The following NOS3 variants were observed in gnomAD, a reference collection of about 807,000 sequenced individuals.
The protein encoded by NOS3 is nitric oxide synthase 3.
Under a neutral mutation model 144.9 loss-of-function variants are expected in NOS3, and 98 were observed. That is an observed-to-expected ratio of 0.68 (90% CI 0.57 to 0.80). The LOEUF (loss-of-function observed/expected upper bound fraction) is 0.80. Ranked by LOEUF, NOS3 falls within the 30% of genes least tolerant of loss-of-function variation. The probability of loss-of-function intolerance (pLI) is 0.00; values close to 1 mark genes in which losing one functional copy is unlikely to be tolerated. For missense variants in NOS3, 1,465 were observed against 1,656.4 expected (o/e 0.88, Z 2.01); for synonymous variants, 714 against 702.4 (o/e 1.02, Z -0.26).
Position 150,998,346 on chromosome 7 carries a change from G to C in NOS3, c.583-11G>C, listed in dbSNP as rs1223089322. 2 of 1,609,680 alleles carry C rather than the reference G, an allele frequency of 1.2e-6. No individual in the cohort carries two copies. The highest frequency in any genetic ancestry group is 1.7e-6 in the Non-Finnish European group (2 of 1,178,906). On this transcript the variant is annotated splice_polypyrimidine_tract_variant and intron_variant, in intron 5 of 26. Coordinates refer to ENST00000297494, the MANE Select transcript of NOS3 (RefSeq NM_000603.5). This position sits in a 1 kb window ranked among gnomAD's most constrained non-coding sequence, Gnocchi z 5.0. ...CCTCACCCTCCTCTCCCGCTGCCTC[G>C]GCTGGCTCAGGTGTTCGATGCCCGG... is the stretch of plus-strand genomic sequence containing the variant.
chr7:151,008,972 G>A lies in NOS3; in HGVS notation c.2155G>A (p.Ala719Thr), dbSNP rs369675314. Reference sequence around the variant, plus strand: ...CTGTGTGGGAGAGGATGCCAAGGCCGCCGCCCGAGACATCTTCAGCCCCAA... The same window carrying A: ...CTGTGTGGGAGAGGATGCCAAGGCCACCGCCCGAGACATCTTCAGCCCCAA... ...TFCVGEDAKAAARDIFSPKRS... is the reference protein window; with the variant it reads ...TFCVGEDAKATARDIFSPKRS... The change falls in exon 18 of 27, where the codon GCC (alanine) becomes ACC (threonine). Residue 719 changes from alanine to threonine, a missense_variant. Physicochemically the swap from Ala to Thr is moderately conservative, Grantham distance 58 (BLOSUM62 0). This residue lies in a region of NOS3 where 745 missense variants were observed against 853.9 expected (regional missense o/e 0.87). Coordinates refer to ENST00000297494, the MANE Select transcript of NOS3 (RefSeq NM_000603.5). 5.6e-6 allele frequency: 9 copies of A among 1,610,698 alleles called. No homozygotes were observed. The African/African-American group carries it at 6.7e-5, about 12-fold the overall frequency.
In NOS3 at chr7:151,010,957, C is replaced by A. The variant is rs758081272; in HGVS notation, c.2955C>A (p.Pro985=). 1.1e-5 allele frequency: 18 copies of A among 1,613,844 alleles called. No homozygotes were observed. Among genetic ancestry groups the A allele is most frequent in the East Asian group, 2.2e-5 (1 of 44,868 alleles). ...VCSTWLSQLK[P]GDPVPCFIRG... ...CCACGTGGCTAAGCCAGCTCAAGCC[C>A]GGAGACCCTGTGCCCTGCTTCATCC... Residue 985 remains proline, a synonymous_variant, in exon 23 of 27, where the codon CCC becomes CCA. Coordinates refer to ENST00000297494, the MANE Select transcript of NOS3 (RefSeq NM_000603.5).
Position 150,991,307 on chromosome 7 carries a change from GCTCT to G in NOS3, c.-52+10_-52+13del, listed in dbSNP as rs1802250359. 6.6e-6 allele frequency: 1 copy of G among 152,268 alleles called. No individual in the cohort carries two copies. Among genetic ancestry groups the G allele is most frequent in the African/African-American group, 2.4e-5 (1 of 41,452 alleles). 9.4% of individuals were successfully genotyped at this position (152,268 alleles called of 1,614,324 possible). On this transcript the variant is annotated splice_region_variant and intron_variant, in intron 1 of 26. Transcript: ENST00000297494. ...CCAGCACCTTCTGCAGCAGGTACCT[GCTCT>G]CTAAGAGGGAGGCCTGGGTGGTGCA... is the stretch of plus-strand genomic sequence containing the variant.
At chr7:150,992,429 G>A (rs1357413061) in intron 1 of NOS3, among the ~76,000 whole-genome samples, 2 of 152,174 alleles carry the variant, frequency 1.3e-5, no homozygotes, top group African/African-American at 4.8e-5. Context: ...TGGGGTCATG[G>A]GACAAAGCCC....
At chr7:150,999,124 G>A (rs745854918) in intron 8 of NOS3, 39 bp downstream of exon 8, 1 of 1,612,278 alleles carries the variant, frequency 6.2e-7, no homozygotes, top group Admixed American at 1.7e-5. Flanking sequence ...GATGGAGGGG[G>A]CCATCCCTGA....
chr7:151,009,659 G>A (rs1795264506), intron 20 of NOS3, 74 bp downstream of exon 20: 1 of 1,348,266 alleles, frequency 7.4e-7, no homozygotes, highest in Non-Finnish European at 9.9e-7. Flanking sequence ...CAGGCCTCCA[G>A]GAGCTCAGGA....
In NOS3 at chr7:151,002,292, G is replaced by A. The variant is rs761397169; in HGVS notation, c.1740G>A (p.Pro580=). The part of the protein sequence containing the change: ...VTSTFGNGDP[P]ENGESFAAAL... The stretch of plus-strand genomic sequence containing the variant: ...GCACATTTGGGAATGGGGATCCCCC[G>A]GAGAATGGAGAGGTGAGAACTTCCA... The change falls in exon 14 of 27, where the codon CCG becomes CCA. Residue 580 remains proline (P), a synonymous_variant. Transcript: ENST00000297494. This position sits in a 1 kb window ranked among gnomAD's most constrained non-coding sequence, Gnocchi z 4.1. 13 of 1,583,336 alleles carry A rather than the reference G, an allele frequency of 8.2e-6. No homozygotes were observed. Among genetic ancestry groups the A allele is most frequent in the African/African-American group, 4.0e-5 (3 of 74,432 alleles).
At chr7:150,997,027 G>A (rs2117105982) in intron 5 of NOS3, 102 bp downstream of exon 5, 1 of 1,334,072 alleles carries the variant, frequency 7.5e-7, no homozygotes, top group Non-Finnish European at 1.0e-6. Flanking sequence ...GTCCCAAACT[G>A]TGGGGGAGAT....
intron 23 of NOS3, chr7:151,011,901 A>T (rs1276646961): frequency 1.5e-5 from 6 of 398,940 alleles, no homozygotes; most frequent in Non-Finnish European, 3.0e-5. Context: ...CCAGGAACCA[A>T]AAGTCCTGGT....
Position 151,009,414 on chromosome 7 carries a change from G to A in NOS3, c.2341G>A (p.Val781Met). 6.5e-7 allele frequency: 1 copy of A among 1,539,842 alleles called. No individual in the cohort carries two copies. The highest frequency in any genetic ancestry group is 8.8e-7 in the Non-Finnish European group (1 of 1,141,564). The change falls in exon 20 of 27, where the codon GTG becomes ATG. Residue 781 changes from valine (V) to methionine (M), a missense_variant. Physicochemically the swap from Val to Met is conservative, Grantham distance 21. This residue lies in a region of NOS3 where 745 missense variants were observed against 853.9 expected (regional missense o/e 0.87). Transcript: ENST00000297494. ...SSKSTRATIL[V>M]RLDTGGQEGL... ...CACCCCCAGGAGGGCCACCATCCTG[G>A]TGCGCCTGGACACCGGAGGCCAGGA...
Position 151,013,903 on chromosome 7 carries a change from C to T in NOS3, c.3435C>T (p.Val1145=). ...TGGAGCTGGACGAGGCCGGCGACGT[C>T]ATCGGCGTGCTGCGGGTGCGGAGGG... ...GDMELDEAGD[V]IGVLRDQQRY... The change falls in exon 26 of 27, where the codon GTC becomes GTT. Residue 1145 remains valine (V), a synonymous_variant. Transcript: ENST00000297494. 1.2e-6 allele frequency: 2 copies of T among 1,600,038 alleles called. No homozygotes were observed. Among genetic ancestry groups the T allele is most frequent in the African/African-American group, 2.7e-5 (2 of 74,822 alleles).
Position 151,010,465 on chromosome 7 carries a change from C to G in NOS3, c.2686-132C>G, listed in dbSNP as rs941314413. On this transcript the variant is annotated intron_variant, in intron 21 of 26. Coordinates refer to ENST00000297494, the MANE Select transcript of NOS3 (RefSeq NM_000603.5). ...GAATTCATGGCTGGATTCTCCAGGT[C>G]TTAGAGAAAACTCTATTGGCCTGAA... is the stretch of plus-strand genomic sequence containing the variant. 2.2e-5 allele frequency: 25 copies of G among 1,118,742 alleles called. No individual in the cohort carries two copies. The Admixed American group carries it at 3.1e-4, about 14-fold the overall frequency. The allele number at this position is 1,118,742 out of a possible 1,614,324, so 69.3% of individuals were successfully genotyped here.
chr7:151,012,875 G>A (rs1795336843), intron 24 of NOS3: 1 of 348,624 alleles, frequency 2.9e-6, no homozygotes, highest in Non-Finnish European at 5.3e-6. Flanking sequence ...AAAAGAAGAG[G>A]GCTGTGACTG....
chr7:151,014,071 C>T lies in NOS3; in HGVS notation c.3514C>T (p.Arg1172Cys), dbSNP rs146141837. The T allele has an allele frequency of 1.2e-5, 19 of 1,613,886 alleles. No individual in the cohort carries two copies. The highest frequency in any genetic ancestry group is 1.6e-5 in the Non-Finnish European group (19 of 1,179,958). The stretch of plus-strand genomic sequence containing the variant: ...GCTGCGCACCCAGGAGGTGACAAGC[C>T]GCATACGCACCCAGAGCTTTTCCTT... ...LTLRTQEVTS[R>C]IRTQSFSLQE... Residue 1172 changes from arginine (R) to cysteine (C), a missense_variant, in exon 27 of 27, where the codon CGC becomes TGC. Around this residue, in one of 5 missense-constraint regions of NOS3, gnomAD observed 228 missense variants for 227.7 expected, o/e 1.00. Transcript: ENST00000297494.
At chr7:151,005,090 T>G (rs2117125343) in intron 14 of NOS3, among the ~76,000 whole-genome samples, 2 of 152,210 alleles carry the variant, frequency 1.3e-5, no homozygotes, top group South Asian at 4.2e-4. Context: ...ATCCCTGACC[T>G]CAGCCTCCCA....
At chr7:150,992,490 G>A (rs893131968) in intron 1 of NOS3, among the ~76,000 whole-genome samples, 3 of 152,142 alleles carry the variant, frequency 2.0e-5, no homozygotes, top group African/African-American at 7.2e-5. Flanking sequence ...GGGGCAGCAG[G>A]GCACACTAGT....
In NOS3 at chr7:150,996,896, G is replaced by A. The variant is rs377756718; in HGVS notation, c.553G>A (p.Val185Met). ...GGCCTGGCGCAACGCTCCCCGCTGCGTGGGCCGGATCCAGTGGGGGAAGCT... is the reference window on the plus strand; with the variant it reads ...GGCCTGGCGCAACGCTCCCCGCTGCATGGGCCGGATCCAGTGGGGGAAGCT... ...KQAWRNAPRC[V>M]GRIQWGKLQV... Residue 185 changes from valine to methionine, a missense_variant, in exon 5 of 27, where the codon GTG (valine) becomes ATG (methionine). By Grantham distance (21) the Val-to-Met change is conservative (BLOSUM62 1). Around this residue, in one of 5 missense-constraint regions of NOS3, gnomAD observed 374 missense variants for 377.0 expected, o/e 0.99. Coordinates refer to ENST00000297494, the MANE Select transcript of NOS3 (RefSeq NM_000603.5). The A allele has an allele frequency of 2.8e-5, 44 of 1,579,476 alleles. No homozygotes were observed. The highest frequency in any genetic ancestry group is 6.9e-5 in the East Asian group (3 of 43,304).
chr7:151,007,643 GAGA>G (rs1795226639), intron 17 of NOS3, among the ~76,000 whole-genome samples: 2 of 152,258 alleles, frequency 1.3e-5, no homozygotes. Context: ...AAGGGACAGA[GAGA>G]AGGTCAGACA....
chr7:150,997,067 G>A, intron 5 of NOS3, 142 bp downstream of exon 5: 1 of 1,082,678 alleles, frequency 9.2e-7, no homozygotes, highest in Non-Finnish European at 1.3e-6. Context: ...GACTGGAAAG[G>A]TAGGGGGACT....
Sources: gnomAD v4.1 joint callset for allele counts (sites outside exome capture counted in the v4.1 genomes callset) on GRCh38, gnomAD v4.1.1 for gene constraint, gnomAD v4.1.1 regional missense constraint, Gnocchi (gnomAD v3.1) non-coding constraint, MANE v1.5 for transcripts, NCBI Gene and HGNC (gene_info 2026-07-23, HGNC 2026-07-21) for gene names.